Variants in MCC observed in about 807,000 individuals in gnomAD.
MCC encodes the protein colorectal mutant cancer protein.
In MCC, 90 loss-of-function variants were observed where a neutral mutation model predicts 116.2. That is an observed-to-expected ratio of 0.77 (90% CI 0.65 to 0.92). The LOEUF is 0.92. Ranked by LOEUF, MCC falls within the 40% of genes least tolerant of loss-of-function variation. The pLI, the probability that MCC is intolerant of heterozygous loss-of-function variation, is 0.00. For synonymous variants in MCC, 578 were observed against 510.5 expected, an observed-to-expected ratio of 1.13 and a Z score of -1.78; for missense variants, 1,516 against 1,312.2, an observed-to-expected ratio of 1.16 and a Z score of -2.40.
intron 3 of MCC, among the ~76,000 whole-genome samples, chr5:113,177,352 T>G (rs1308320726): frequency 1.3e-5 from 2 of 152,228 alleles, no homozygotes; most frequent in Admixed American, 6.5e-5. Flanking sequence ...ATTGACTAGT[T>G]CCTCTAACAT....
intron 3 of MCC, among the ~76,000 whole-genome samples, chr5:113,163,789 CTGTAAG>C (rs1006766709): frequency 1.3e-5 from 2 of 152,114 alleles, no homozygotes; most frequent in Non-Finnish European, 2.9e-5. Context: ...TCAGACATTT[CTGTAAG>C]TGTAACTACA....
intron 3 of MCC, among the ~76,000 whole-genome samples, chr5:113,163,479 C>G (rs891802526): frequency 6.8e-6 from 1 of 147,782 alleles, no homozygotes; most frequent in Non-Finnish European, 1.5e-5. Context: ...TATTCTCCCC[C>G]ATCCACTTTC....
At chr5:113,195,563 A>C (rs1245949205) in intron 3 of MCC, among the ~76,000 whole-genome samples, 1 of 152,096 alleles carries the variant, frequency 6.6e-6, no homozygotes, top group Non-Finnish European at 1.5e-5. Flanking sequence ...TCCTGAGATC[A>C]CCAGGACTCT....
chr5:113,135,507 C>A (rs576781754), intron 5 of MCC, among the ~76,000 whole-genome samples: 2 of 143,030 alleles, frequency 1.4e-5, no homozygotes, highest in Non-Finnish European at 1.5e-5. Flanking sequence ...TGAAGTGAAC[C>A]GAGATCGTGC....
At chr5:113,390,211 T>C (rs904926662) in intron 1 of MCC, among the ~76,000 whole-genome samples, 2 of 152,188 alleles carry the variant, frequency 1.3e-5, no homozygotes, top group Non-Finnish European at 2.9e-5. Context: ...TACCTAGCAA[T>C]AACCACAGTG....
At chr5:113,257,768 T>G (rs1765075026) in intron 3 of MCC, among the ~76,000 whole-genome samples, 1 of 152,162 alleles carries the variant, frequency 6.6e-6, no homozygotes, top group African/African-American at 2.4e-5. Flanking sequence ...TTAAAGGCTG[T>G]TGGGAAAACG....
chr5:113,250,170 A>G (rs1299153699), intron 3 of MCC, among the ~76,000 whole-genome samples: 1 of 152,182 alleles, frequency 6.6e-6, no homozygotes, highest in African/African-American at 2.4e-5. Flanking sequence ...AAGACCCACC[A>G]ATGACATAAG....
At chr5:113,030,864 G>A (rs1206194823) in intron 17 of MCC, among the ~76,000 whole-genome samples, 1 of 152,210 alleles carries the variant, frequency 6.6e-6, no homozygotes, top group Non-Finnish European at 1.5e-5. Flanking sequence ...GAAGGGGGTT[G>A]ATGGGAGGCT....
intron 3 of MCC, among the ~76,000 whole-genome samples, chr5:113,196,003 G>C (rs181790524): frequency 1.3e-5 from 2 of 152,300 alleles, no homozygotes; most frequent in African/African-American, 4.8e-5. Context: ...TAAAGAGCTA[G>C]TGCCAAATGA....
intron 3 of MCC, among the ~76,000 whole-genome samples, chr5:113,288,052 A>G (rs1278691505): frequency 3.3e-5 from 5 of 152,248 alleles, no homozygotes; most frequent in African/African-American, 1.2e-4. Context: ...GGTTCCAGCC[A>G]AACGAACCAT....
intron 3 of MCC, among the ~76,000 whole-genome samples, chr5:113,310,360 C>T (rs1767108316): frequency 6.6e-6 from 1 of 152,230 alleles, no homozygotes; most frequent in South Asian, 2.1e-4. Flanking sequence ...CAGAGAGCAG[C>T]CCTTACCAGC....
intron 17 of MCC, among the ~76,000 whole-genome samples, chr5:113,039,094 G>C (rs1180042601): frequency 6.6e-6 from 1 of 152,220 alleles, no homozygotes. Flanking sequence ...GAGTGCCTGT[G>C]AGGCAGCACC....
In MCC at chr5:113,440,765, AGG is replaced by A. The variant is rs1771013525; in HGVS notation, c.170+47478_170+47479del. On this transcript the variant is annotated intron_variant, in intron 1 of 18. Transcript: ENST00000408903. ...ATCTGTTGGCAAACGAAGAAAGAAG[AGG>A]AGGAAGAAGGAACAGGAAAAAGAGA... 2.0e-5 allele frequency among the ~76,000 whole-genome samples: 3 copies of A among 152,288 alleles called. No individual in the cohort carries two copies. In the East Asian group the frequency reaches 5.8e-4, roughly 29 times the overall value.
At chr5:113,459,620 G>C (rs1232992203) in intron 1 of MCC, among the ~76,000 whole-genome samples, 1 of 152,126 alleles carries the variant, frequency 6.6e-6, no homozygotes. Context: ...TGGTGGTGGA[G>C]TGGCAATCCT....
At chr5:113,416,843 AT>A (rs1428204355) in intron 1 of MCC, among the ~76,000 whole-genome samples, 43 of 152,334 alleles carry the variant, frequency 2.8e-4, no homozygotes, top group African/African-American at 9.6e-4. Flanking sequence ...ATTAAAATAA[AT>A]CGTCAAATAT....
In MCC at chr5:113,196,524, T is replaced by A. The variant is rs1264219236; in HGVS notation, c.628-45102A>T. Among the ~76,000 whole-genome samples the A allele has an allele frequency of 2.0e-5, 3 of 152,220 alleles. No individual in the cohort carries two copies. The East Asian group carries it at 5.8e-4, about 29-fold the overall frequency. On this transcript the variant is annotated intron_variant, in intron 3 of 18. Transcript: ENST00000408903. Reference sequence around the variant, plus strand: ...AATAGGGATTTTTAAGTGAAATATTTTGATGTATAAGGGCTACTTACCAAT... The same window carrying A: ...AATAGGGATTTTTAAGTGAAATATTATGATGTATAAGGGCTACTTACCAAT...
intron 2 of MCC, among the ~76,000 whole-genome samples, chr5:113,367,262 A>G (rs1388570179): frequency 1.3e-5 from 2 of 151,962 alleles, no homozygotes; most frequent in African/African-American, 4.8e-5. Flanking sequence ...TTTCTTGAAC[A>G]ATTTTTTTAT....
intron 3 of MCC, among the ~76,000 whole-genome samples, chr5:113,248,654 T>C (rs1018230644): frequency 2.6e-5 from 4 of 152,134 alleles, no homozygotes; most frequent in Non-Finnish European, 5.9e-5. Flanking sequence ...ATAGTTCAAG[T>C]CTGGTTCGTC....
At chr5:113,070,818 G>C (rs1441808770) in intron 12 of MCC, among the ~76,000 whole-genome samples, 1 of 152,164 alleles carries the variant, frequency 6.6e-6, no homozygotes, top group Non-Finnish European at 1.5e-5. Flanking sequence ...AGATCTGCAA[G>C]AAGAAATGAA....
Sources: gnomAD v4.1 joint callset for allele counts (sites outside exome capture counted in the v4.1 genomes callset) on GRCh38, gnomAD v4.1.1 for gene constraint, MANE v1.5 for transcripts, NCBI Gene and HGNC (gene_info 2026-07-23, HGNC 2026-07-21) for gene names.